The following RPS6KA2 variants were observed in gnomAD, a reference collection of about 807,000 sequenced individuals.
RPS6KA2 encodes the protein ribosomal protein S6 kinase A2.
Under a neutral mutation model 91.8 loss-of-function variants are expected in RPS6KA2, and 42 were observed. The observed-to-expected ratio is 0.46, with a 90% CI of 0.36 to 0.59. The LOEUF is 0.59. Among genes scored for constraint, RPS6KA2 ranks in the 20% least tolerant of loss-of-function variants. The pLI, the probability that RPS6KA2 is intolerant of heterozygous loss-of-function variation, is 0.00. For synonymous variants in RPS6KA2, 414 were observed against 393.6 expected, an observed-to-expected ratio of 1.05 and a Z score of -0.61; for missense variants, 798 against 978.5, an observed-to-expected ratio of 0.82 and a Z score of 2.46.
At chr6:166,455,658 C>T (rs767563192) in intron 12 of RPS6KA2, among the ~76,000 whole-genome samples, 2 of 152,198 alleles carry the variant, frequency 1.3e-5, no homozygotes, top group Non-Finnish European at 2.9e-5. Flanking sequence ...CAGCGCGACC[C>T]GGCAGAGAAG....
At chr6:166,568,481 G>A (rs532585173) in intron 1 of RPS6KA2, among the ~76,000 whole-genome samples, 105 of 152,062 alleles carry the variant, frequency 6.9e-4, no homozygotes, top group Non-Finnish European at 9.4e-4. Flanking sequence ...GCCGGTCGTG[G>A]TGGCAGGCAC....
intron 2 of RPS6KA2, among the ~76,000 whole-genome samples, chr6:166,815,653 C>A (rs1277538766): frequency 6.6e-6 from 1 of 152,098 alleles, no homozygotes; most frequent in Non-Finnish European, 1.5e-5. Context: ...GGCCATTCAG[C>A]TAATGGGGTA....
chr6:166,547,192 G>A (rs530011451), intron 1 of RPS6KA2, among the ~76,000 whole-genome samples: 6 of 152,320 alleles, frequency 3.9e-5, no homozygotes, highest in African/African-American at 1.2e-4. Context: ...GGCCGGTGAC[G>A]TGCGTCCTCC....
chr6:166,861,440 G>C (rs1313766493), intron 1 of RPS6KA2, among the ~76,000 whole-genome samples: 6 of 152,280 alleles, frequency 3.9e-5, no homozygotes, highest in Admixed American at 2.6e-4. Context: ...AATTCAAATG[G>C]AGCAAATCAG....
chr6:166,442,456 G>A (rs530133428), intron 14 of RPS6KA2, among the ~76,000 whole-genome samples: 1 of 152,282 alleles, frequency 6.6e-6, no homozygotes, highest in Admixed American at 6.5e-5. Flanking sequence ...GTTCCCTCAT[G>A]GGGATAATGA....
chr6:166,778,645 A>AG (rs1274909533), intron 2 of RPS6KA2, among the ~76,000 whole-genome samples: 1 of 152,198 alleles, frequency 6.6e-6, no homozygotes, highest in Non-Finnish European at 1.5e-5. Context: ...ACGCGCCTAT[A>AG]GTCCCAGCTA....
At chr6:166,828,162 T>C (rs191061101) in intron 2 of RPS6KA2, among the ~76,000 whole-genome samples, 1 of 152,228 alleles carries the variant, frequency 6.6e-6, no homozygotes, top group Non-Finnish European at 1.5e-5. Flanking sequence ...GCATCCCACC[T>C]GTTCCCTCCC....
chr6:166,576,429 C>T (rs2128512779), intron 1 of RPS6KA2, among the ~76,000 whole-genome samples: 1 of 152,256 alleles, frequency 6.6e-6, no homozygotes, highest in African/African-American at 2.4e-5. Flanking sequence ...ATGGCTTTGA[C>T]CAAAATGCTG....
At chr6:166,818,578 C>T (rs761364046) in intron 2 of RPS6KA2, among the ~76,000 whole-genome samples, 5 of 152,140 alleles carry the variant, frequency 3.3e-5, no homozygotes, top group East Asian at 1.9e-4. Flanking sequence ...GGATGTGATG[C>T]TTTCGGGCTG....
At chr6:166,679,318 G>T (rs945026713) in intron 2 of RPS6KA2, among the ~76,000 whole-genome samples, 3 of 151,606 alleles carry the variant, frequency 2.0e-5, no homozygotes, top group Non-Finnish European at 2.9e-5. Flanking sequence ...ACAAAAATTA[G>T]CCAGGCATGG....
chr6:166,433,030 A>G lies in RPS6KA2; in HGVS notation c.1333-540T>C, dbSNP rs1180054495. ...AAAAAAAAGGAGTACAAGACTTCAG[A>G]CATGAATTTTAAGGTGTTATAAGGT... On this transcript the variant is annotated intron_variant, in intron 14 of 20. Coordinates refer to ENST00000265678, the MANE Select transcript of RPS6KA2 (RefSeq NM_021135.6). The surrounding 1 kb of genome is among the most constrained non-coding windows in gnomAD (Gnocchi z 4.4). 6.6e-6 allele frequency among the ~76,000 whole-genome samples: 1 copy of G among 151,004 alleles called. No individual in the cohort carries two copies. Among genetic ancestry groups the G allele is most frequent in the Non-Finnish European group, 1.5e-5 (1 of 67,858 alleles).
chr6:166,685,615 ACT>A (rs1405279538), intron 2 of RPS6KA2, among the ~76,000 whole-genome samples: 1 of 151,912 alleles, frequency 6.6e-6, no homozygotes, highest in Non-Finnish European at 1.5e-5. Context: ...AAATCCATAG[ACT>A]CTTCCTGAGC....
chr6:166,618,519 G>A (rs1762274246), intron 1 of RPS6KA2, among the ~76,000 whole-genome samples: 1 of 152,184 alleles, frequency 6.6e-6, no homozygotes, highest in Admixed American at 6.5e-5. Context: ...CCTGGAGGGA[G>A]GTCAGCGTGG....
chr6:166,565,263 CCGT>C (rs1784459008), intron 1 of RPS6KA2, among the ~76,000 whole-genome samples: 1 of 152,212 alleles, frequency 6.6e-6, no homozygotes, highest in Non-Finnish European at 1.5e-5. Flanking sequence ...GGAGAGAGGC[CCGT>C]TGTTTAAGCT....
chr6:166,531,458 C>T (rs1251508944), intron 2 of RPS6KA2, 145 bp from the exon 3 acceptor site: 7 of 652,348 alleles, frequency 1.1e-5, no homozygotes, highest in Admixed American at 2.6e-5. Context: ...TTTTCTCCAA[C>T]GTCAAGGCTG....
At chr6:166,569,252 C>T (rs1425180158) in intron 1 of RPS6KA2, among the ~76,000 whole-genome samples, 2 of 152,226 alleles carry the variant, frequency 1.3e-5, no homozygotes, top group Non-Finnish European at 2.9e-5. Context: ...TGGTTTGGCC[C>T]ATTCTGCTCC....
chr6:166,449,928 A>C (rs574782313), intron 13 of RPS6KA2, among the ~76,000 whole-genome samples: 1 of 145,670 alleles, frequency 6.9e-6, no homozygotes, highest in African/African-American at 2.6e-5. Flanking sequence ...ATGACAGACT[A>C]CCACAGGGAC....
chr6:166,656,158 A>G (rs1205586800), intron 2 of RPS6KA2, among the ~76,000 whole-genome samples: 1 of 152,262 alleles, frequency 6.6e-6, no homozygotes, highest in Non-Finnish European at 1.5e-5. Context: ...ATAAGCCTCA[A>G]AAACAGGTAA....
intron 1 of RPS6KA2, among the ~76,000 whole-genome samples, chr6:166,546,255 A>G (rs1349063669): frequency 2.0e-5 from 3 of 152,130 alleles, no homozygotes; most frequent in African/African-American, 4.8e-5. Flanking sequence ...ACACGAATGC[A>G]GATTAGGTCA....
Sources: gnomAD v4.1 joint callset for allele counts (sites outside exome capture counted in the v4.1 genomes callset) on GRCh38, gnomAD v4.1.1 for gene constraint, Gnocchi (gnomAD v3.1) non-coding constraint, MANE v1.5 for transcripts, NCBI Gene and HGNC (gene_info 2026-07-23, HGNC 2026-07-21) for gene names.